XAGE3: variants seen among roughly 807,000 people sequenced by gnomAD.
The protein encoded by XAGE3 is X antigen family member 3.
XAGE3 carries 6 observed loss-of-function variants against 9.2 expected under a neutral mutation model. That is an observed-to-expected ratio of 0.65 (90% CI 0.36 to 1.29). The LOEUF is 1.29. Ranked by LOEUF, XAGE3 falls within the 50% of genes most tolerant of loss-of-function variation. XAGE3 has a pLI of 0.03. For synonymous variants in XAGE3, 26 were observed against 28.2 expected (o/e 0.92, Z 0.25); for missense variants, 70 against 82.8 (o/e 0.85, Z 0.60).
At chrX:52,866,700 T>C (rs1441765894) in intron 2 of XAGE3, among the ~76,000 whole-genome samples, 162 bp from the exon 3 acceptor site, 1 of 112,670 alleles carries the variant, frequency 8.9e-6, no homozygotes, top group African/African-American at 3.2e-5. Context: ...TTTCATAAAG[T>C]TACTCTTCCC....
intron 3 of XAGE3, among the ~76,000 whole-genome samples, chrX:52,866,066 C>T (rs1158710687): frequency 9.0e-6 from 1 of 111,289 alleles, no homozygotes; most frequent in Non-Finnish European, 1.9e-5. Context: ...ATTCTACATG[C>T]TATTAAAGGG....
At chrX:52,866,669 A>C in intron 2 of XAGE3, 131 bp from the exon 3 acceptor site, 1 of 557,550 alleles carries the variant, frequency 1.8e-6, no homozygotes, top group Non-Finnish European at 2.8e-6. Context: ...CATTTCTCCA[A>C]CACGATTCCA....
chrX:52,862,589 AG>A lies in XAGE3; in HGVS notation c.*28del. ...TAAGTCAAATATCTTAGATAAAAAC[AG>A]TTTTGTGTTGTTTCAGCTTGTCTTC... On this transcript the variant is annotated 3_prime_UTR_variant, in exon 5 of 5. Transcript: ENST00000346279. 1.7e-6 allele frequency: 2 copies of A among 1,206,948 alleles called. No homozygotes were observed. Among genetic ancestry groups the A allele is most frequent in the Non-Finnish European group, 2.2e-6 (2 of 893,221 alleles).
chrX:52,866,369 G>T, intron 3 of XAGE3, 64 bp downstream of exon 3: 1 of 1,052,546 alleles, frequency 9.5e-7, no homozygotes, highest in Non-Finnish European at 1.3e-6. Flanking sequence ...CATGGCATAA[G>T]GCATGATGCA....
intron 1 of XAGE3, 185 bp from the exon 2 acceptor site, chrX:52,867,326 T>C (rs1556784588): frequency 1.2e-5 from 5 of 403,310 alleles, no homozygotes; most frequent in South Asian, 5.3e-5. Flanking sequence ...TTGGTCAAGC[T>C]AGCTGAGCAA....
Position 52,864,727 on chromosome X carries a change from AG to A in XAGE3, c.313+47del, listed in dbSNP as rs781999887. On this transcript the variant is annotated intron_variant, in intron 4 of 4. Transcript: ENST00000346279. ...AGTAATGTTCTCTTTTATTATCAAAAGTATAATATTGTGGAAAACAGAAAGC... is the reference window on the plus strand; with the variant it reads ...AGTAATGTTCTCTTTTATTATCAAAATATAATATTGTGGAAAACAGAAAGC... 1.0e-5 allele frequency: 12 copies of A among 1,183,414 alleles called. No homozygotes were observed. The South Asian group carries it at 2.2e-4, about 21-fold the overall frequency.
chrX:52,866,650 G>T, intron 2 of XAGE3, 112 bp from the exon 3 acceptor site: 1 of 635,989 alleles, frequency 1.6e-6, no homozygotes, highest in Non-Finnish European at 2.4e-6. Flanking sequence ...CTGATCATAA[G>T]TCTAAAGACA....
At position 52,867,302 on chromosome X, in the gene XAGE3, G is replaced by A. The variant is rs1927916068; in HGVS notation, c.-8-161C>T. 1.8e-5 allele frequency: 8 copies of A among 446,165 alleles called. No homozygotes were observed. The South Asian group carries it at 3.6e-4, about 20-fold the overall frequency. 36.8% of individuals were successfully genotyped at this position (446,165 alleles called of 1,213,427 possible). A position where few individuals can be genotyped will look rare whatever the true frequency, so the allele number is the denominator to read the frequency against. On this transcript the variant is annotated intron_variant, in intron 1 of 4. Coordinates refer to ENST00000346279, the MANE Select transcript of XAGE3 (RefSeq NM_133179.3). ...AAGTATGTGTGCCTTCTGAATGCTT[G>A]GGAAGCCATTAAGTTGGTCAAGCTA... is the stretch of plus-strand genomic sequence containing the variant.
chrX:52,862,633 C>T lies in XAGE3; in HGVS notation c.321G>A (p.Arg107=), dbSNP rs149890335. 6.5e-5 allele frequency: 79 copies of T among 1,210,929 alleles called. No homozygotes were observed. In the African/African-American group the frequency reaches 1.2e-3, roughly 18 times the overall value. Residue 107 remains arginine (R), a synonymous_variant, in exon 5 of 5, where the codon AGG becomes AGA. Transcript: ENST00000346279. ...EQFKMPEGGD[R]QPQV ...TTGTCTTCATTTAAACCTGTGGTTGCCTGTCACCTATAATAGAAATATAAC... is the reference window on the plus strand; with the variant it reads ...TTGTCTTCATTTAAACCTGTGGTTGTCTGTCACCTATAATAGAAATATAAC...
At chrX:52,864,642 A>G in intron 4 of XAGE3, 133 bp downstream of exon 4, 5 of 826,996 alleles carry the variant, frequency 6.0e-6, no homozygotes, top group South Asian at 4.9e-5. Context: ...CAGTCAGGCA[A>G]TTGGGGTCTG....
chrX:52,864,909 T>C lies in XAGE3; in HGVS notation c.188-9A>G, dbSNP rs1488381143. ...AGCTTCCAGGTCAGGCACTAAAAAATACAAAGGTTGTCGATTGAAGCAGGC... is the reference window on the plus strand; with the variant it reads ...AGCTTCCAGGTCAGGCACTAAAAAACACAAAGGTTGTCGATTGAAGCAGGC... On this transcript the variant is annotated splice_polypyrimidine_tract_variant and intron_variant, in intron 3 of 4. Transcript: ENST00000346279. 6.6e-6 allele frequency: 8 copies of C among 1,207,372 alleles called. No individual in the cohort carries two copies. Among genetic ancestry groups the C allele is most frequent in the Non-Finnish European group, 7.8e-6 (7 of 894,277 alleles).
chrX:52,863,654 G>A (rs1335278097), intron 4 of XAGE3, among the ~76,000 whole-genome samples: 8 of 111,514 alleles, frequency 7.2e-5, no homozygotes, highest in Admixed American at 6.7e-4. Context: ...ATTCACTTTC[G>A]ATTATACCAT....
intron 4 of XAGE3, among the ~76,000 whole-genome samples, chrX:52,863,702 GTT>G (rs1927816341): frequency 1.8e-5 from 2 of 111,759 alleles, no homozygotes; most frequent in Non-Finnish European, 3.8e-5. Context: ...CATATTCCAT[GTT>G]GAGCTTTTTC....
rs781916947 is a variant in XAGE3 at position 52,866,455 on chromosome X, ATCT to A, written c.162_164del (p.Glu54del). On this transcript the variant is annotated inframe_deletion, in exon 3 of 5. Transcript: ENST00000346279. ...CACCTTGAGTCTCAGCTGCACCCTG[ATCT>A]TCTTCTCTCTCCTGACCAGGTGCAG... 11 of 1,207,764 alleles carry A rather than the reference ATCT, an allele frequency of 9.1e-6. No individual in the cohort carries two copies. Among genetic ancestry groups the A allele is most frequent in the African/African-American group, 5.3e-5 (3 of 56,525 alleles).
chrX:52,867,696 A>C (rs1478766197), intron 1 of XAGE3, among the ~76,000 whole-genome samples: 1 of 110,329 alleles, frequency 9.1e-6, no homozygotes, highest in Non-Finnish European at 1.9e-5. Context: ...TCCCGGGTCG[A>C]CACGGAGGAG....
At chrX:52,867,014 T>G in intron 2 of XAGE3, 39 bp downstream of exon 2, 1 of 1,168,607 alleles carries the variant, frequency 8.6e-7, no homozygotes, top group Non-Finnish European at 1.2e-6. Flanking sequence ...CAAAAATAAC[T>G]TTCTGCTAAT....
chrX:52,862,689 C>T, intron 4 of XAGE3, 49 bp from the exon 5 acceptor site: 1 of 1,201,776 alleles, frequency 8.3e-7, no homozygotes, highest in Middle Eastern at 2.3e-4. Context: ...GAACTGTATT[C>T]AGATGACATT....
Position 52,866,504 on chromosome X carries a change from G to C in XAGE3, c.116C>G (p.Pro39Arg), listed in dbSNP as rs782384425. ...TGCAGGATCCCGACTTTCAGTTGGT[G>C]GTTCCTCTTGCTGAGGCTCCTCATC... ...PGDEEPQQEE[P>R]PTESRDPAPG... is the part of the protein sequence containing the mutation. Residue 39 changes from proline (P) to arginine (R), a missense_variant, in exon 3 of 5, where the codon CCA (proline) becomes CGA (arginine). Transcript: ENST00000346279. 9 of 1,209,120 alleles carry C rather than the reference G, an allele frequency of 7.4e-6. No homozygotes were observed. Among genetic ancestry groups the C allele is most frequent in the Non-Finnish European group, 1.0e-5 (9 of 895,010 alleles).
At chrX:52,864,698 G>C in intron 4 of XAGE3, 77 bp downstream of exon 4, 6 of 1,152,831 alleles carry the variant, frequency 5.2e-6, no homozygotes, top group Non-Finnish European at 7.1e-6. Flanking sequence ...GATTTTAAAG[G>C]GATAGTAATG....
Sources: gnomAD v4.1 joint callset for allele counts (sites outside exome capture counted in the v4.1 genomes callset) on GRCh38, gnomAD v4.1.1 for gene constraint, MANE v1.5 for transcripts, NCBI Gene and HGNC (gene_info 2026-07-23, HGNC 2026-07-21) for gene names.